DACH2: variants seen among roughly 807,000 people sequenced by gnomAD.
The protein encoded by DACH2 is dachshund homolog 2.
A neutral mutation model predicts 35.8 loss-of-function variants in DACH2; 17 were observed. The observed-to-expected ratio is 0.48, with a 90% CI of 0.33 to 0.71. DACH2 has a LOEUF of 0.71. DACH2 is among the 30% of genes least tolerant of loss of function. DACH2 has a pLI of 0.02. For synonymous variants in DACH2, 195 were observed against 177.3 expected, an observed-to-expected ratio of 1.10 and a Z score of -0.79; for missense variants, 469 against 472.7, an observed-to-expected ratio of 0.99 and a Z score of 0.07.
intron 2 of DACH2, among the ~76,000 whole-genome samples, chrX:86,400,291 T>C (rs1452525000): frequency 9.0e-6 from 1 of 111,218 alleles, no homozygotes; most frequent in Non-Finnish European, 1.9e-5. Context: ...TCTAGTTTTT[T>C]TTTCAAAGTT....
chrX:86,180,213 TTATAG>T (rs1327359426), intron 1 of DACH2, among the ~76,000 whole-genome samples: 1 of 89,425 alleles, frequency 1.1e-5, no homozygotes, highest in Non-Finnish European at 2.2e-5. Flanking sequence ...TATATGGTTC[TTATAG>T]TAATGTGAAA....
At chrX:86,815,217 C>T (rs2042435198) in intron 10 of DACH2, among the ~76,000 whole-genome samples, 1 of 111,495 alleles carries the variant, frequency 9.0e-6, no homozygotes, top group African/African-American at 3.3e-5. Flanking sequence ...ATGCTTGTTC[C>T]TTTAATGCAG....
At chrX:86,627,917 C>T (rs2148384741) in intron 3 of DACH2, among the ~76,000 whole-genome samples, 1 of 112,313 alleles carries the variant, frequency 8.9e-6, no homozygotes, top group East Asian at 2.8e-4. Context: ...TTTGAGTGAA[C>T]CATCTTTGTC....
chrX:86,656,037 C>CA (rs915503667), intron 4 of DACH2, among the ~76,000 whole-genome samples: 1 of 101,028 alleles, frequency 9.9e-6, no homozygotes, highest in East Asian at 3.2e-4. Flanking sequence ...GCTCCCCCCC[C>CA]CCACTAATCT....
At chrX:86,646,534 C>A (rs762147325) in intron 3 of DACH2, among the ~76,000 whole-genome samples, 1 of 108,772 alleles carries the variant, frequency 9.2e-6, no homozygotes, top group Non-Finnish European at 1.9e-5. Flanking sequence ...TTGGTCTTGG[C>A]AATGATTTCT....
intron 1 of DACH2, among the ~76,000 whole-genome samples, chrX:86,173,350 CA>C (rs1452558623): frequency 9.0e-6 from 1 of 111,570 alleles, no homozygotes; most frequent in African/African-American, 3.3e-5. Context: ...AATTATATTA[CA>C]TGTTAGAAGT....
intron 3 of DACH2, among the ~76,000 whole-genome samples, chrX:86,565,984 T>C (rs1419259073): frequency 8.9e-6 from 1 of 111,959 alleles, no homozygotes; most frequent in Non-Finnish European, 1.9e-5. Flanking sequence ...CTAATTCTTT[T>C]AAATGTTATA....
chrX:86,624,555 C>T (rs1304780518), intron 3 of DACH2, among the ~76,000 whole-genome samples: 1 of 111,845 alleles, frequency 8.9e-6, no homozygotes. Flanking sequence ...CTTTGGAAAG[C>T]TCATGATTTA....
At chrX:86,513,956 T>G (rs1168873883) in intron 2 of DACH2, among the ~76,000 whole-genome samples, 2 of 111,676 alleles carry the variant, frequency 1.8e-5, no homozygotes, top group Non-Finnish European at 3.8e-5. Context: ...TATTAATACT[T>G]CAGATCAAGC....
chrX:86,776,522 A>G (rs1439112454), intron 7 of DACH2, among the ~76,000 whole-genome samples: 2 of 112,202 alleles, frequency 1.8e-5, no homozygotes, highest in African/African-American at 6.5e-5. Context: ...TTCCTTGAAC[A>G]AGTACACTTT....
At chrX:86,728,198 T>C (rs1187384869) in intron 6 of DACH2, among the ~76,000 whole-genome samples, 2 of 111,965 alleles carry the variant, frequency 1.8e-5, no homozygotes, top group African/African-American at 3.2e-5. Context: ...TTGCATCCGA[T>C]TCATGCCCTA....
At chrX:86,553,425 C>T (rs773499337) in intron 3 of DACH2, among the ~76,000 whole-genome samples, 4 of 111,338 alleles carry the variant, frequency 3.6e-5, no homozygotes, top group African/African-American at 6.5e-5. Context: ...ACCAGTCCAC[C>T]GACTCAAATG....
chrX:86,343,914 G>T (rs76439848), intron 1 of DACH2, among the ~76,000 whole-genome samples: 1 of 110,433 alleles, frequency 9.1e-6, no homozygotes, highest in African/African-American at 3.3e-5. Flanking sequence ...GGCTGGGAAG[G>T]GTAGTGGGGG....
At chrX:86,618,720 T>C (rs1475350980) in intron 3 of DACH2, among the ~76,000 whole-genome samples, 7 of 112,297 alleles carry the variant, frequency 6.2e-5, no homozygotes, top group Non-Finnish European at 1.1e-4. Context: ...TACAGACTTT[T>C]CATGAGTAGT....
At chrX:86,157,444 C>CT (rs762475660) in intron 1 of DACH2, among the ~76,000 whole-genome samples, 27 of 110,815 alleles carry the variant, frequency 2.4e-4, no homozygotes, top group Non-Finnish European at 4.2e-4. Context: ...ACACAAAAGC[C>CT]TTTTTTTTAT....
chrX:86,315,788 G>GACAC lies in DACH2; in HGVS notation c.489-60986_489-60983dup, dbSNP rs774427717. ...ACGGCCAAGGAAATTGAGGGTCGTG[G>GACAC]ACACACACACACACACACACACACA... On this transcript the variant is annotated intron_variant, in intron 1 of 11. Transcript: ENST00000373125. Among the ~76,000 whole-genome samples the GACAC allele has an allele frequency of 5.7e-3, 450 of 78,488 alleles. 4 individuals are homozygous for GACAC. Among genetic ancestry groups the GACAC allele is most frequent in the Non-Finnish European group, 8.5e-3 (355 of 41,659 alleles). 68.2% of individuals were successfully genotyped at this position (78,488 alleles called of 115,157 possible).
chrX:86,487,360 A>G (rs904288743), intron 2 of DACH2, among the ~76,000 whole-genome samples: 1 of 111,896 alleles, frequency 8.9e-6, no homozygotes, highest in African/African-American at 3.2e-5. Context: ...AAGTCAACTT[A>G]CATTTGTGTA....
intron 9 of DACH2, 38 bp downstream of exon 9, chrX:86,813,315 G>A: frequency 8.9e-7 from 1 of 1,127,044 alleles, no homozygotes; most frequent in African/African-American, 1.8e-5. Flanking sequence ...TGAATATTAT[G>A]TTGGGGGTAT....
At chrX:86,576,463 A>G (rs1740776832) in intron 3 of DACH2, among the ~76,000 whole-genome samples, 1 of 111,844 alleles carries the variant, frequency 8.9e-6, no homozygotes, top group Admixed American at 9.6e-5. Flanking sequence ...AATATGCACA[A>G]CATAAAATAT....
Sources: gnomAD v4.1 joint callset for allele counts (sites outside exome capture counted in the v4.1 genomes callset) on GRCh38, gnomAD v4.1.1 for gene constraint, MANE v1.5 for transcripts, NCBI Gene and HGNC (gene_info 2026-07-23, HGNC 2026-07-21) for gene names.